WDR17: variants seen among roughly 807,000 people sequenced by gnomAD.
WDR17 encodes WD repeat domain 17.
In WDR17, 143 loss-of-function variants were observed where a neutral mutation model predicts 161.7. The observed-to-expected ratio is 0.88, with a 90% CI of 0.77 to 1.02. The LOEUF is 1.02. WDR17 is among the 50% of genes least tolerant of loss of function. The pLI is 0.00. For missense variants in WDR17, 1,469 were observed against 1,520.9 expected (o/e 0.97, Z 0.57); for synonymous variants, 517 against 515.6 (o/e 1.00, Z -0.04).
At chr4:176,120,736 T>C (rs1165891008) in intron 4 of WDR17, among the ~76,000 whole-genome samples, 4 of 151,714 alleles carry the variant, frequency 2.6e-5, no homozygotes, top group Non-Finnish European at 4.4e-5. Context: ...TACTTTTAGC[T>C]ATCTAGTATC....
chr4:176,090,256 T>TTA (rs1408115976), intron 1 of WDR17, among the ~76,000 whole-genome samples: 1 of 132,472 alleles, frequency 7.5e-6, no homozygotes, highest in Non-Finnish European at 1.6e-5. Context: ...CTGGTTGTTT[T>TTA]AAAAAAAAAA....
chr4:176,144,890 A>G (rs1177793791), intron 11 of WDR17, among the ~76,000 whole-genome samples: 2 of 152,056 alleles, frequency 1.3e-5, no homozygotes, highest in Non-Finnish European at 2.9e-5. Context: ...ATATATATAA[A>G]AATATACTCA....
intron 17 of WDR17, among the ~76,000 whole-genome samples, chr4:176,153,837 T>TA (rs1289706199): frequency 1.3e-5 from 2 of 152,214 alleles, no homozygotes; most frequent in African/African-American, 4.8e-5. Flanking sequence ...TGTGCCATTT[T>TA]AAAATGTTAT....
chr4:176,160,100 C>T lies in WDR17; in HGVS notation c.2632C>T (p.Leu878Phe), dbSNP rs1159568358. Residue 878 changes from leucine to phenylalanine, a missense_variant, in exon 19 of 29, where the codon CTT becomes TTT. Physicochemically the swap from Leu to Phe is conservative, Grantham distance 22 (BLOSUM62 0). Transcript: ENST00000508596. ...LVHFFMSRGQ[L>F]KEALLVAQAA... The stretch of plus-strand genomic sequence containing the variant: ...CCATTTTTTCATGTCAAGAGGTCAG[C>T]TTAAAGAAGCTCTGCTTGTTGCACA... 1.2e-6 allele frequency: 2 copies of T among 1,613,740 alleles called. No homozygotes were observed. The highest frequency in any genetic ancestry group is 2.7e-5 in the African/African-American group (2 of 75,024).
At chr4:176,067,681 T>C (rs6814389) in intron 1 of WDR17, among the ~76,000 whole-genome samples, 84,987 of 152,024 alleles carry the variant, frequency 0.56, 24,591 homozygotes, top group Non-Finnish European at 0.63. Context: ...CATAAATTAA[T>C]TTAGGCCAGA....
At chr4:176,128,047 T>C (rs1742742142) in intron 5 of WDR17, among the ~76,000 whole-genome samples, 1 of 152,248 alleles carries the variant, frequency 6.6e-6, no homozygotes, top group African/African-American at 2.4e-5. Flanking sequence ...TGTTTATCCA[T>C]TCCTCTGTTG....
intron 5 of WDR17, among the ~76,000 whole-genome samples, chr4:176,128,196 G>A (rs965443622): frequency 6.6e-6 from 1 of 152,120 alleles, no homozygotes; most frequent in Non-Finnish European, 1.5e-5. Context: ...AAGTCATATG[G>A]TAATTCTATA....
chr4:176,145,040 T>A lies in WDR17; in HGVS notation c.1530-955T>A, dbSNP rs1745943040. Among the ~76,000 whole-genome samples, 4 of 152,210 alleles carry A rather than the reference T, an allele frequency of 2.6e-5. No individual in the cohort carries two copies. In the South Asian group the frequency reaches 8.3e-4, roughly 32 times the overall value. On this transcript the variant is annotated intron_variant, in intron 11 of 28. Transcript: ENST00000508596. ...GTTTGCAAACTGCCGTATTTCTACATGTGGGCTTAAATAAATATAAGTATT... is the reference window on the plus strand; with the variant it reads ...GTTTGCAAACTGCCGTATTTCTACAAGTGGGCTTAAATAAATATAAGTATT...
chr4:176,076,091 C>T (rs2126569306), intron 1 of WDR17, among the ~76,000 whole-genome samples: 1 of 151,606 alleles, frequency 6.6e-6, no homozygotes, highest in Middle Eastern at 3.4e-3. Flanking sequence ...TTTTTTTCCA[C>T]TTGTACATAA....
chr4:176,134,450 T>C (rs1744072302), intron 7 of WDR17, among the ~76,000 whole-genome samples: 1 of 151,744 alleles, frequency 6.6e-6, no homozygotes, highest in African/African-American at 2.4e-5. Flanking sequence ...ACTTTACTGG[T>C]GTATGTTTAC....
chr4:176,112,514 A>G (rs1351263658), intron 2 of WDR17, among the ~76,000 whole-genome samples: 1 of 152,210 alleles, frequency 6.6e-6, no homozygotes, highest in Non-Finnish European at 1.5e-5. Context: ...TCTGTGTTCC[A>G]GTTATACCAA....
At position 176,163,266 on chromosome 4, in the gene WDR17, C is replaced by T. The variant is rs149711744; in HGVS notation, c.2963C>T (p.Ala988Val). 4.5e-5 allele frequency: 73 copies of T among 1,609,304 alleles called. No individual in the cohort carries two copies. The Admixed American group carries it at 5.6e-4, about 12-fold the overall frequency. ...PATHYALELL[A>V]RKCMMISVWN... ...ACCCACTATGCCTTAGAATTACTGG[C>T]GAGAAAGTGCATGATGATTTCAGTA... is the stretch of plus-strand genomic sequence containing the variant. The change falls in exon 22 of 29, where the codon GCG becomes GTG. Residue 988 changes from alanine to valine, a missense_variant. Physicochemically the swap from Ala to Val is moderately conservative, Grantham distance 64 (BLOSUM62 0). Coordinates refer to ENST00000508596, the MANE Select transcript of WDR17 (RefSeq NM_181265.4).
At chr4:176,079,407 T>C (rs1734465448) in intron 1 of WDR17, among the ~76,000 whole-genome samples, 1 of 152,174 alleles carries the variant, frequency 6.6e-6, no homozygotes, top group Non-Finnish European at 1.5e-5. Context: ...TAATGAAATG[T>C]AAACTAATAA....
At chr4:176,124,343 G>A (rs1051810973) in intron 4 of WDR17, among the ~76,000 whole-genome samples, 13 of 152,144 alleles carry the variant, frequency 8.5e-5, no homozygotes, top group Non-Finnish European at 1.9e-4. Context: ...AGAACAAGAA[G>A]TTTGTTTGAT....
chr4:176,131,772 T>C (rs2126759297), intron 7 of WDR17, 34 bp downstream of exon 7: 1 of 1,460,746 alleles, frequency 6.8e-7, no homozygotes, highest in Non-Finnish European at 9.1e-7. Context: ...TTATACATAA[T>C]AGTTTTTTGT....
chr4:176,090,791 T>C (rs931910977), intron 1 of WDR17, among the ~76,000 whole-genome samples: 7 of 152,178 alleles, frequency 4.6e-5, no homozygotes, highest in Non-Finnish European at 7.4e-5. Context: ...CACATATTTA[T>C]TGACAGCAAG....
At position 176,177,558 on chromosome 4, in the gene WDR17, A is replaced by G; in HGVS notation, c.3636A>G (p.Ser1212=). The change falls in exon 28 of 29, where the codon TCA becomes TCG. Residue 1212 remains serine, a synonymous_variant. Coordinates refer to ENST00000508596, the MANE Select transcript of WDR17 (RefSeq NM_181265.4). The part of the protein sequence containing the change: ...ATLLKRLKEE[S]LKGIIGPDYV... Reference sequence around the variant, plus strand: ...TATTAAAGAGACTAAAAGAAGAGTCACTGAAAGGAATTATTGGACCAGATT... The same window carrying G: ...TATTAAAGAGACTAAAAGAAGAGTCGCTGAAAGGAATTATTGGACCAGATT... The G allele has an allele frequency of 1.9e-6, 3 of 1,599,228 alleles. No homozygotes were observed. Among genetic ancestry groups the G allele is most frequent in the Non-Finnish European group, 2.5e-6 (3 of 1,176,492 alleles).
At chr4:176,153,489 G>T (rs1205485295) in intron 17 of WDR17, among the ~76,000 whole-genome samples, 4 of 152,152 alleles carry the variant, frequency 2.6e-5, no homozygotes, top group Admixed American at 2.6e-4. Context: ...CCTGAGTGTT[G>T]ATTACATGGG....
intron 12 of WDR17, among the ~76,000 whole-genome samples, chr4:176,146,900 CTG>C (rs1163286997): frequency 6.6e-6 from 1 of 151,614 alleles, no homozygotes; most frequent in African/African-American, 2.4e-5. Flanking sequence ...GACAGTCTCA[CTG>C]TGTCGCCAGG....
Sources: gnomAD v4.1 joint callset for allele counts (sites outside exome capture counted in the v4.1 genomes callset) on GRCh38, gnomAD v4.1.1 for gene constraint, MANE v1.5 for transcripts, NCBI Gene and HGNC (gene_info 2026-07-23, HGNC 2026-07-21) for gene names.